Variants in ATG2A observed in about 807,000 individuals in gnomAD.
ATG2A encodes autophagy-related protein 2 homolog A.
Under a neutral mutation model 214.2 loss-of-function variants are expected in ATG2A, and 103 were observed. That is an observed-to-expected ratio of 0.48 (90% confidence interval 0.41 to 0.57). The LOEUF (loss-of-function observed/expected upper bound fraction) is 0.57. Among genes scored for constraint, ATG2A ranks in the 20% least tolerant of loss-of-function variants. The pLI is 0.00. For synonymous variants in ATG2A, 1,160 were observed against 1,142.1 expected, an observed-to-expected ratio of 1.02 and a Z score of -0.32; for missense variants, 2,312 against 2,613.2, an observed-to-expected ratio of 0.88 and a Z score of 2.51.
At chr11:64,906,245 C>T in intron 21 of ATG2A, 52 bp from the exon 22 acceptor site, 1 of 1,605,204 alleles carries the variant, frequency 6.2e-7, no homozygotes, top group East Asian at 2.2e-5. Context: ...CCACCGTGCA[C>T]TGGGGCCTCA....
Position 64,898,687 on chromosome 11 carries a change from G to C in ATG2A, c.4620C>G (p.Phe1540Leu), listed in dbSNP as rs1172768375. The change falls in exon 32 of 41, where the codon TTC (phenylalanine) becomes TTG (leucine). Residue 1540 changes from phenylalanine to leucine, a missense_variant. Physicochemically the swap from Phe to Leu is conservative, Grantham distance 22 (BLOSUM62 0). Coordinates refer to ENST00000377264, the MANE Select transcript of ATG2A (RefSeq NM_015104.3). The surrounding 1 kb of genome is among the most constrained non-coding windows in gnomAD (Gnocchi z 4.5). The stretch of plus-strand genomic sequence containing the variant: ...TCCGCTCACTCGTGTGTAGGTACAG[G>C]AACTTGTTGATCTGGGAGGAGGCGA... Reference protein sequence around the residue: ...DRLASSQINKFLYLHTSERMP... With the variant: ...DRLASSQINKLLYLHTSERMP... 6.2e-7 allele frequency: 1 copy of C among 1,613,974 alleles called. No homozygotes were observed. The highest frequency in any genetic ancestry group is 8.5e-7 in the Non-Finnish European group (1 of 1,180,048).
chr11:64,906,747 G>C lies in ATG2A; in HGVS notation c.2901C>G (p.Leu967=). The change falls in exon 20 of 41, where the codon CTC becomes CTG. Residue 967 remains leucine (L), a synonymous_variant. Transcript: ENST00000377264. ...ELVLDMEHGT[L]FSVSQYCGQP... ...GGCCACAGTACTGGGAGACGCTGAA[G>C]AGGGTACCGTGCTCCATGTCCAGCA... The C allele has an allele frequency of 6.2e-7, 1 of 1,613,602 alleles. No homozygotes were observed. Among genetic ancestry groups the C allele is most frequent in the Non-Finnish European group, 8.5e-7 (1 of 1,180,016 alleles).
Position 64,900,925 on chromosome 11 carries a change from G to C in ATG2A, c.4287C>G (p.His1429Gln). 1 of 1,573,768 alleles carries C rather than the reference G, an allele frequency of 6.4e-7. No individual in the cohort carries two copies. The highest frequency in any genetic ancestry group is 8.6e-7 in the Non-Finnish European group (1 of 1,160,162). ...VVLREVSLVW[H>Q]LYGGRDFGPH... ...GGCCAAAGTCTCGGCCCCCATAGAG[G>C]TGCCAGACGAGGGAGACCTCACGTA... The change falls in exon 30 of 41, where the codon CAC becomes CAG. Residue 1429 changes from histidine (H) to glutamine (Q), a missense_variant. Coordinates refer to ENST00000377264, the MANE Select transcript of ATG2A (RefSeq NM_015104.3).
Position 64,902,697 on chromosome 11 carries a change from G to T in ATG2A, c.3613-17C>A. ...TGGCTGGCTCTGCAGGGGCGGGGTG[G>T]GGGGAGCAGCTATGTGAACACAGGG... On this transcript the variant is annotated splice_polypyrimidine_tract_variant and intron_variant, in intron 26 of 40. Transcript: ENST00000377264. The T allele has an allele frequency of 6.2e-7, 1 of 1,602,660 alleles. No homozygotes were observed. The highest frequency in any genetic ancestry group is 8.5e-7 in the Non-Finnish European group (1 of 1,174,440).
chr11:64,906,931 A>G lies in ATG2A; in HGVS notation c.2833-116T>C, dbSNP rs1367162277. On this transcript the variant is annotated intron_variant, in intron 19 of 40. Coordinates refer to ENST00000377264, the MANE Select transcript of ATG2A (RefSeq NM_015104.3). ...AAGGGGGTCAGCTCCAGTTTCCACC[A>G]TGGACGCTGCTGGAGGCCCTGGATG... 3.1e-6 allele frequency: 4 copies of G among 1,279,596 alleles called. No homozygotes were observed. In the East Asian group the frequency reaches 7.6e-5, roughly 24 times the overall value. The allele number at this position is 1,279,596 out of a possible 1,614,324, so 79.3% of individuals were successfully genotyped here.
Position 64,909,257 on chromosome 11 carries a change from G to C in ATG2A, c.2204+14C>G. On this transcript the variant is annotated intron_variant, in intron 15 of 40. Transcript: ENST00000377264. Reference sequence around the variant, plus strand: ...ACCCTCCTCTCCTGGGCCCAGTCCAGAGCCCCTACTTACTGGGGCAGGAAG... The same window carrying C: ...ACCCTCCTCTCCTGGGCCCAGTCCACAGCCCCTACTTACTGGGGCAGGAAG... 2 of 1,613,396 alleles carry C rather than the reference G, an allele frequency of 1.2e-6. No homozygotes were observed. Among genetic ancestry groups the C allele is most frequent in the Non-Finnish European group, 1.7e-6 (2 of 1,179,878 alleles).
At position 64,903,726 on chromosome 11, in the gene ATG2A, G is replaced by A. The variant is rs1398642982; in HGVS notation, c.3465-66C>T. ...CAGGGGGCAGCTCCACGGGAGCCGA[G>A]CAGAGGGGTCCCAAGCCCACAGGAG... On this transcript the variant is annotated intron_variant, in intron 24 of 40. Transcript: ENST00000377264. The surrounding 1 kb of genome is among the most constrained non-coding windows in gnomAD (Gnocchi z 4.2). The A allele has an allele frequency of 2.0e-6, 3 of 1,468,166 alleles. No homozygotes were observed. Among genetic ancestry groups the A allele is most frequent in the Non-Finnish European group, 2.8e-6 (3 of 1,084,338 alleles). 90.9% of individuals were successfully genotyped at this position (1,468,166 alleles called of 1,614,324 possible).
At position 64,901,053 on chromosome 11, in the gene ATG2A, C is replaced by G; in HGVS notation, c.4159G>C (p.Gly1387Arg). The G allele has an allele frequency of 6.3e-7, 1 of 1,581,872 alleles. No homozygotes were observed. The highest frequency in any genetic ancestry group is 8.6e-7 in the Non-Finnish European group (1 of 1,164,100). Residue 1387 changes from glycine (G) to arginine (R), a missense_variant, in exon 30 of 41, where the codon GGC (glycine) becomes CGC (arginine). By Grantham distance (125) the Gly-to-Arg change is moderately radical. Coordinates refer to ENST00000377264, the MANE Select transcript of ATG2A (RefSeq NM_015104.3). ...TAACCGTCCCTCACAACGATGGGGC[C>G]GGGATGCAGCTGTGTCACCACAGGC... ...GEPVVTQLHP[G>R]PIVVRDGYFS... is the part of the protein sequence containing the mutation.
At chr11:64,908,945 C>A in intron 16 of ATG2A, 46 bp downstream of exon 16, 3 of 1,538,420 alleles carry the variant, frequency 2.0e-6, no homozygotes, top group Non-Finnish European at 2.6e-6. Context: ...GGAACCCGGG[C>A]GGTGGGCGGG....
chr11:64,908,092 C>T (rs914005342), intron 16 of ATG2A, among the ~76,000 whole-genome samples: 6 of 152,342 alleles, frequency 3.9e-5, no homozygotes, highest in South Asian at 2.1e-4. Context: ...GGTATGTTAA[C>T]TTCTTTCATC....
At position 64,895,273 on chromosome 11, in the gene ATG2A, G is replaced by A. The variant is rs776184900; in HGVS notation, c.5580+17C>T. The A allele has an allele frequency of 6.2e-7, 1 of 1,613,200 alleles. No homozygotes were observed. Among genetic ancestry groups the A allele is most frequent in the Non-Finnish European group, 8.5e-7 (1 of 1,179,888 alleles). On this transcript the variant is annotated intron_variant, in intron 40 of 40. Coordinates refer to ENST00000377264, the MANE Select transcript of ATG2A (RefSeq NM_015104.3). The surrounding 1 kb of genome is among the most constrained non-coding windows in gnomAD (Gnocchi z 5.0). ...AGATGGGCATGGGGGACTGGGGCAG[G>A]GCGGGGGCCTGGTCACCTCTCGCAC...
chr11:64,900,526 G>T lies in ATG2A; in HGVS notation c.4432C>A (p.His1478Asn). The change falls in exon 31 of 41, where the codon CAC becomes AAC. Residue 1478 changes from histidine (H) to asparagine (N), a missense_variant. By Grantham distance (68) the His-to-Asn change is moderately conservative. Coordinates refer to ENST00000377264, the MANE Select transcript of ATG2A (RefSeq NM_015104.3). ...WRTQGGSGRQ[H>N]HVLMEIQLSK... ...AGCTGGATCTCCATGAGGACATGGTGCTGCCGCCCGCTGCCCCCCTGCGTG... is the reference window on the plus strand; with the variant it reads ...AGCTGGATCTCCATGAGGACATGGTTCTGCCGCCCGCTGCCCCCCTGCGTG... 1 of 1,613,414 alleles carries T rather than the reference G, an allele frequency of 6.2e-7. No individual in the cohort carries two copies. The highest frequency in any genetic ancestry group is 2.2e-5 in the East Asian group (1 of 44,890).
At position 64,913,769 on chromosome 11, in the gene ATG2A, G is replaced by T. The variant is rs113121080; in HGVS notation, c.590+52C>A. 1 of 1,561,172 alleles carries T rather than the reference G, an allele frequency of 6.4e-7. No individual in the cohort carries two copies. Among genetic ancestry groups the T allele is most frequent in the South Asian group, 1.1e-5 (1 of 89,838 alleles). ...GGCTGCGGGTGGGGACCATCCAGCAGCCCCCACTCCCCATCTTCACACCAG... is the reference window on the plus strand; with the variant it reads ...GGCTGCGGGTGGGGACCATCCAGCATCCCCCACTCCCCATCTTCACACCAG... On this transcript the variant is annotated intron_variant, in intron 4 of 40. Coordinates refer to ENST00000377264, the MANE Select transcript of ATG2A (RefSeq NM_015104.3). This position sits in a 1 kb window ranked among gnomAD's most constrained non-coding sequence, Gnocchi z 4.3.
intron 9 of ATG2A, among the ~76,000 whole-genome samples, chr11:64,911,476 C>A (rs1944772531): frequency 6.6e-6 from 1 of 152,174 alleles, no homozygotes; most frequent in African/African-American, 2.4e-5. Context: ...GAACCCTCCT[C>A]AGGGTGCTGG....
At chr11:64,908,587 C>A (rs908576005) in intron 16 of ATG2A, among the ~76,000 whole-genome samples, 1 of 152,076 alleles carries the variant, frequency 6.6e-6, no homozygotes, top group Non-Finnish European at 1.5e-5. Context: ...AAAGACAGGT[C>A]ATGGTGCCCA....
At position 64,912,100 on chromosome 11, in the gene ATG2A, T is replaced by C; in HGVS notation, c.1072A>G (p.Asn358Asp). The C allele has an allele frequency of 6.2e-7, 1 of 1,613,368 alleles. No homozygotes were observed. The change falls in exon 8 of 41, where the codon AAC becomes GAC. Residue 358 changes from asparagine (N) to aspartate (D), a missense_variant. Transcript: ENST00000377264. ...CCACACCCACCAGTGTTATCCAGGTTGAGAAGGGGGTTGGTAAGGGGGTCT... is the reference window on the plus strand; with the variant it reads ...CCACACCCACCAGTGTTATCCAGGTCGAGAAGGGGGTTGGTAAGGGGGTCT... The part of the protein sequence containing the change: ...SPDPLTNPLL[N>D]LDNTDLFFSM...
intron 8 of ATG2A, 45 bp downstream of exon 8, chr11:64,912,040 C>T: frequency 6.2e-7 from 1 of 1,612,760 alleles, no homozygotes; most frequent in Non-Finnish European, 8.5e-7. Flanking sequence ...GGCTGCTGCA[C>T]CCACACTAGC....
chr11:64,915,991 C>G (rs1200170494), intron 1 of ATG2A, among the ~76,000 whole-genome samples: 1 of 152,164 alleles, frequency 6.6e-6, no homozygotes, highest in Non-Finnish European at 1.5e-5. Flanking sequence ...CCCCCAAAGC[C>G]TAGCTCTTCT....
At chr11:64,909,998 C>T in intron 13 of ATG2A, 42 bp downstream of exon 13, 1 of 1,562,968 alleles carries the variant, frequency 6.4e-7, no homozygotes, top group Non-Finnish European at 8.7e-7. Flanking sequence ...GGACCCAGGC[C>T]CTGCACCCAC....
Sources: allele counts gnomAD v4.1 joint callset (sites outside exome capture counted in the v4.1 genomes callset), GRCh38; gene constraint gnomAD v4.1.1; non-coding constraint Gnocchi (gnomAD v3.1); transcripts MANE v1.5; gene names NCBI Gene and HGNC (gene_info 2026-07-23, HGNC 2026-07-21).